PLXDC2: variants seen among roughly 807,000 people sequenced by gnomAD.
PLXDC2 encodes the protein plexin domain containing 2.
PLXDC2 carries 40 observed loss-of-function variants against 68.9 expected under a neutral mutation model. The ratio of observed to expected loss-of-function variants is 0.58; its 90% CI spans 0.45 to 0.76. The LOEUF (loss-of-function observed/expected upper bound fraction) is 0.76, where lower values mean the gene tolerates loss of function less well. Ranked by LOEUF, PLXDC2 falls within the 30% of genes least tolerant of loss-of-function variation. The probability of loss-of-function intolerance (pLI) is 0.00; values close to 1 mark genes in which losing one functional copy is unlikely to be tolerated. For missense variants in PLXDC2, 644 were observed against 661.9 expected (o/e 0.97, Z 0.30); for synonymous variants, 243 against 234.2 (o/e 1.04, Z -0.34).
intron 1 of PLXDC2, among the ~76,000 whole-genome samples, chr10:19,914,474 A>G (rs1229039174): frequency 6.6e-6 from 1 of 152,232 alleles, no homozygotes; most frequent in African/African-American, 2.4e-5. Context: ...CCAAATTGCA[A>G]TCTTCCATAA....
chr10:19,899,929 T>C (rs1359199978), intron 1 of PLXDC2, among the ~76,000 whole-genome samples: 1 of 152,200 alleles, frequency 6.6e-6, no homozygotes, highest in Non-Finnish European at 1.5e-5. Context: ...ATTTAACTTT[T>C]TGCCACATTT....
intron 13 of PLXDC2, among the ~76,000 whole-genome samples, chr10:20,269,998 A>T (rs1835915170): frequency 6.6e-6 from 1 of 151,234 alleles, no homozygotes; most frequent in African/African-American, 2.4e-5. Flanking sequence ...ATCCTAGGCA[A>T]CAGAGACAGG....
chr10:20,117,948 G>C (rs1232772523), intron 4 of PLXDC2, among the ~76,000 whole-genome samples: 2 of 152,238 alleles, frequency 1.3e-5, no homozygotes, highest in African/African-American at 4.8e-5. Flanking sequence ...TTTTACTGCA[G>C]TTCAGATTTA....
intron 12 of PLXDC2, 114 bp from the exon 13 acceptor site, chr10:20,245,231 C>T: frequency 1.7e-6 from 2 of 1,166,978 alleles, no homozygotes; most frequent in Non-Finnish European, 2.3e-6. Context: ...GAAAAGTTGT[C>T]CAGGAAGTAA....
chr10:19,984,033 A>G (rs1834596016), intron 1 of PLXDC2, among the ~76,000 whole-genome samples: 1 of 152,240 alleles, frequency 6.6e-6, no homozygotes, highest in South Asian at 2.1e-4. Context: ...GCGGTTTTCC[A>G]TATGATGACA....
intron 1 of PLXDC2, among the ~76,000 whole-genome samples, chr10:19,869,478 G>T (rs62912761): frequency 8.4e-6 from 1 of 119,218 alleles, no homozygotes; most frequent in East Asian, 3.0e-4. Flanking sequence ...AGGGGGGGGG[G>T]GGAGAGGGTG....
chr10:20,044,600 G>A (rs186037469), intron 2 of PLXDC2, among the ~76,000 whole-genome samples: 2 of 151,974 alleles, frequency 1.3e-5, no homozygotes, highest in East Asian at 1.9e-4. Flanking sequence ...ATGAGCCACC[G>A]CGTCCAGCCT....
chr10:20,238,662 A>AAAAAAT (rs1175526348), intron 12 of PLXDC2, among the ~76,000 whole-genome samples: 3 of 31,726 alleles, frequency 9.5e-5, no homozygotes, highest in Non-Finnish European at 1.5e-4. Flanking sequence ...TCTCAAAAAA[A>AAAAAAT]ATATATATAT....
At chr10:20,190,672 A>T (rs11011849) in intron 9 of PLXDC2, among the ~76,000 whole-genome samples, 39,560 of 151,340 alleles carry the variant, frequency 0.26, 6,007 homozygotes, top group East Asian at 0.49. Flanking sequence ...TCTATTGTAA[A>T]AGCTGATATG....
intron 7 of PLXDC2, among the ~76,000 whole-genome samples, chr10:20,174,972 A>G (rs1291432071): frequency 3.3e-5 from 5 of 152,106 alleles, no homozygotes; most frequent in South Asian, 2.1e-4. Context: ...AGAGGAGGTC[A>G]TCGTTGGGTG....
intron 1 of PLXDC2, among the ~76,000 whole-genome samples, chr10:19,862,371 G>C (rs1837334460): frequency 6.6e-6 from 1 of 152,126 alleles, no homozygotes; most frequent in Non-Finnish European, 1.5e-5. Flanking sequence ...ATTTTATGTA[G>C]CCAATACTTG....
intron 7 of PLXDC2, among the ~76,000 whole-genome samples, chr10:20,167,345 A>G (rs1005361693): frequency 6.6e-6 from 1 of 152,154 alleles, no homozygotes; most frequent in African/African-American, 2.4e-5. Flanking sequence ...TTTATGCCAG[A>G]GATTAGGATA....
intron 4 of PLXDC2, among the ~76,000 whole-genome samples, chr10:20,080,651 C>T (rs1376150581): frequency 3.9e-5 from 6 of 152,146 alleles, no homozygotes; most frequent in African/African-American, 1.4e-4. Flanking sequence ...CGATGGTGCC[C>T]AACCCCATTG....
intron 12 of PLXDC2, 73 bp from the exon 13 acceptor site, chr10:20,245,272 A>G: frequency 6.8e-7 from 1 of 1,474,758 alleles, no homozygotes; most frequent in South Asian, 1.4e-5. Context: ...AAAAACACAA[A>G]TATCTCCTCA....
intron 1 of PLXDC2, among the ~76,000 whole-genome samples, chr10:19,904,394 G>A (rs1259836062): frequency 6.6e-6 from 1 of 151,944 alleles, no homozygotes; most frequent in Non-Finnish European, 1.5e-5. Context: ...CCAGGGAAGT[G>A]AGGGAACCCC....
chr10:19,833,962 T>C (rs576328591), intron 1 of PLXDC2, among the ~76,000 whole-genome samples: 55 of 146,134 alleles, frequency 3.8e-4, no homozygotes, highest in African/African-American at 1.3e-3. Flanking sequence ...TTTTTTTTTT[T>C]CTCCAGAACT....
At chr10:20,021,668 AT>A (rs199856642) in intron 2 of PLXDC2, among the ~76,000 whole-genome samples, 2,753 of 119,340 alleles carry the variant, frequency 0.023, 72 homozygotes, top group African/African-American at 0.064. Flanking sequence ...CTCCAGTCAC[AT>A]TTTTTTTTAT....
chr10:20,160,060 T>C (rs1334460197), intron 6 of PLXDC2, among the ~76,000 whole-genome samples: 2 of 152,180 alleles, frequency 1.3e-5, no homozygotes, highest in Non-Finnish European at 2.9e-5. Context: ...GAGAGAAGGG[T>C]CTTTGTTTTC....
intron 3 of PLXDC2, among the ~76,000 whole-genome samples, chr10:20,050,134 G>A (rs1048141204): frequency 2.0e-5 from 3 of 152,070 alleles, no homozygotes; most frequent in African/African-American, 7.2e-5. Flanking sequence ...TCAATAAATG[G>A]TGCTGGGATA....
Sources: allele counts gnomAD v4.1 joint callset (sites outside exome capture counted in the v4.1 genomes callset), GRCh38; gene constraint gnomAD v4.1.1; transcripts MANE v1.5; gene names NCBI Gene and HGNC (gene_info 2026-07-23, HGNC 2026-07-21).